DST: variants seen among roughly 807,000 people sequenced by gnomAD.
DST encodes bullous pemphigoid antigen.
Under a neutral mutation model 875.2 loss-of-function variants are expected in DST, and 253 were observed. The ratio of observed to expected loss-of-function variants is 0.29; its 90% confidence interval spans 0.26 to 0.32. The LOEUF (loss-of-function observed/expected upper bound fraction) is 0.32, where lower values mean the gene tolerates loss of function less well. Ranked by LOEUF, DST falls within the 10% of genes least tolerant of loss-of-function variation. The pLI is 1.00. For missense variants in DST, 8,287 were observed against 9,111.6 expected (o/e 0.91, Z 3.68); for synonymous variants, 3,124 against 3,197.1 (o/e 0.98, Z 0.77).
intron 4 of DST, among the ~76,000 whole-genome samples, chr6:56,757,786 T>A (rs970531436): frequency 6.6e-6 from 1 of 152,180 alleles, no homozygotes; most frequent in Non-Finnish European, 1.5e-5. Flanking sequence ...AGCCTAAGTC[T>A]GCAGGAACAA....
At position 56,701,868 on chromosome 6, in the gene DST, G is replaced by C. The variant is rs1326601268; in HGVS notation, c.954+20C>G. On this transcript the variant is annotated intron_variant, in intron 8 of 103. Transcript: ENST00000680361. ...AGTAACATATATTTATATGATTACA[G>C]TATTTTCAAAACATCATACCTGGCG... 2.0e-6 allele frequency: 3 copies of C among 1,474,538 alleles called. No individual in the cohort carries two copies. Among genetic ancestry groups the C allele is most frequent in the Non-Finnish European group, 2.8e-6 (3 of 1,058,006 alleles). 91.3% of individuals were successfully genotyped at this position (1,474,538 alleles called of 1,614,324 possible).
chr6:56,830,394 G>A (rs1048639425), intron 4 of DST, among the ~76,000 whole-genome samples: 2 of 152,064 alleles, frequency 1.3e-5, no homozygotes, highest in African/African-American at 2.4e-5. Flanking sequence ...TAAAATTAAC[G>A]TATATAGGTA....
Position 56,529,448 on chromosome 6 carries a change from C to T in DST, c.17595G>A (p.Arg5865=). 1.4e-6 allele frequency: 2 copies of T among 1,456,980 alleles called. No homozygotes were observed. The highest frequency in any genetic ancestry group is 1.8e-6 in the Non-Finnish European group (2 of 1,103,338). The allele number at this position is 1,456,980 out of a possible 1,614,324, so 90.3% of individuals were successfully genotyped here. A position where few individuals can be genotyped will look rare whatever the true frequency, so the allele number is the denominator to read the frequency against. The part of the protein sequence containing the change: ...EGLWKQQSEL[R]VLQEDILLRK... ...GATAAAATAAAATAAATCAAAATAC[C>T]CGAAGTTCAGACTGCTGCTTCCATA... The change falls in exon 66 of 104, where the codon CGG becomes CGA. Residue 5865 remains arginine, a splice_region_variant and synonymous_variant. Transcript: ENST00000680361.
At chr6:56,569,767 G>T in intron 54 of DST, 89 bp downstream of exon 54, 1 of 1,193,838 alleles carries the variant, frequency 8.4e-7, no homozygotes, top group Non-Finnish European at 1.2e-6. Context: ...AAACTTAGAT[G>T]ATATTAGATC....
At position 56,627,301 on chromosome 6, in the gene DST, C is replaced by T. The variant is rs777002782; in HGVS notation, c.4639-14G>A. The T allele has an allele frequency of 8.9e-6, 14 of 1,577,396 alleles. No individual in the cohort carries two copies. The African/African-American group carries it at 1.8e-4, about 20-fold the overall frequency. On this transcript the variant is annotated splice_polypyrimidine_tract_variant and intron_variant, in intron 33 of 103. Transcript: ENST00000680361. Reference sequence around the variant, plus strand: ...GGACACCAGCATCTATAAATATACACAGTTTAGAACAAAAATGACAAGGAA... The same window carrying T: ...GGACACCAGCATCTATAAATATACATAGTTTAGAACAAAAATGACAAGGAA...
chr6:56,621,754 G>A (rs898113310), intron 36 of DST, among the ~76,000 whole-genome samples: 1 of 152,052 alleles, frequency 6.6e-6, no homozygotes, highest in African/African-American at 2.4e-5. Flanking sequence ...TGTTAGTTTT[G>A]TATCATCAAC....
chr6:56,776,434 G>C (rs1165982681), intron 4 of DST, among the ~76,000 whole-genome samples: 1 of 152,170 alleles, frequency 6.6e-6, no homozygotes, highest in Non-Finnish European at 1.5e-5. Context: ...TAAAGATTAT[G>C]TACCAGTGTT....
rs1431352759 is a variant in DST at position 56,733,447 on chromosome 6, G to A, written c.687+1781C>T. Reference sequence around the variant, plus strand: ...GTCAATCCACCCTTCTACACCATACGCTCTCATTTATAGAGTGCCTAACAA... The same window carrying A: ...GTCAATCCACCCTTCTACACCATACACTCTCATTTATAGAGTGCCTAACAA... On this transcript the variant is annotated intron_variant, in intron 5 of 103. Coordinates refer to ENST00000680361, the MANE Select transcript of DST (RefSeq NM_001374736.1). Among the ~76,000 whole-genome samples the A allele has an allele frequency of 3.3e-5, 5 of 152,056 alleles. No individual in the cohort carries two copies. In the East Asian group the frequency reaches 5.8e-4, roughly 18 times the overall value.
chr6:56,667,647 T>C (rs1173678669), intron 10 of DST, among the ~76,000 whole-genome samples: 1 of 152,154 alleles, frequency 6.6e-6, no homozygotes, highest in Non-Finnish European at 1.5e-5. Context: ...TAAACATTGT[T>C]CTAAAAAGGT....
chr6:56,471,407 G>A lies in DST; in HGVS notation c.22159-139C>T, dbSNP rs567770339. On this transcript the variant is annotated intron_variant, in intron 94 of 103. Transcript: ENST00000680361. ...TCAAAAAGAGGTATGATCTTGCAAA[G>A]GGGACTTAGAAACATTTTGCCTTTA... 7.7e-5 allele frequency: 47 copies of A among 608,846 alleles called. No individual in the cohort carries two copies. The Middle Eastern group carries it at 1.6e-3, about 21-fold the overall frequency. The allele number at this position is 608,846 out of a possible 1,614,324, so 37.7% of individuals were successfully genotyped here. A position where few individuals can be genotyped will look rare whatever the true frequency, so the allele number is the denominator to read the frequency against.
intron 23 of DST, 124 bp downstream of exon 23, chr6:56,636,417 CATATATGTGTATATAT>C (rs1459968371): frequency 2.8e-5 from 19 of 677,706 alleles, no homozygotes; most frequent in Non-Finnish European, 4.5e-5. Context: ...TATATACACA[CATATATGTGTATATAT>C]ATATGTGTGT....
At chr6:56,791,425 T>A (rs1161606815) in intron 4 of DST, among the ~76,000 whole-genome samples, 1 of 151,844 alleles carries the variant, frequency 6.6e-6, no homozygotes, top group Non-Finnish European at 1.5e-5. Flanking sequence ...TGGGAGAAGG[T>A]TTAAAAAAAA....
At chr6:56,907,710 A>C (rs967769370) in intron 2 of DST, among the ~76,000 whole-genome samples, 2 of 152,244 alleles carry the variant, frequency 1.3e-5, no homozygotes, top group African/African-American at 4.8e-5. Flanking sequence ...GATTAAAACA[A>C]GAAAAGATCT....
chr6:56,774,496 C>T (rs1219609620), intron 4 of DST, among the ~76,000 whole-genome samples: 1 of 152,316 alleles, frequency 6.6e-6, no homozygotes, highest in East Asian at 1.9e-4. Context: ...AGCCATTCAA[C>T]ACATATCAGT....
intron 4 of DST, among the ~76,000 whole-genome samples, chr6:56,771,691 A>G (rs906162134): frequency 1.1e-4 from 17 of 152,194 alleles, no homozygotes; most frequent in Non-Finnish European, 1.9e-4. Flanking sequence ...AGCAAAATCA[A>G]TCACAACTAC....
At chr6:56,682,802 C>T (rs2099163090) in intron 9 of DST, among the ~76,000 whole-genome samples, 1 of 152,140 alleles carries the variant, frequency 6.6e-6, no homozygotes, top group Non-Finnish European at 1.5e-5. Flanking sequence ...GGAGCATGGT[C>T]AGGCAATGTG....
intron 28 of DST, 32 bp downstream of exon 28, chr6:56,632,822 G>C (rs913839227): frequency 1.9e-6 from 3 of 1,596,150 alleles, no homozygotes; most frequent in Non-Finnish European, 2.6e-6. Flanking sequence ...AACACCTATG[G>C]GGAAAAAAAG....
At chr6:56,752,534 G>C (rs1415374667) in intron 4 of DST, among the ~76,000 whole-genome samples, 2 of 147,836 alleles carry the variant, frequency 1.4e-5, no homozygotes, top group African/African-American at 5.4e-5. Flanking sequence ...ACTGTAGATT[G>C]ATTAGCTCTG....
chr6:56,627,366 CA>C, intron 33 of DST, 79 bp from the exon 34 acceptor site: 1 of 937,996 alleles, frequency 1.1e-6, no homozygotes, highest in Non-Finnish European at 1.8e-6. Context: ...GTAACTAAGA[CA>C]TATCTACATC....
Sources: allele counts gnomAD v4.1 joint callset (sites outside exome capture counted in the v4.1 genomes callset), GRCh38; gene constraint gnomAD v4.1.1; transcripts MANE v1.5; gene names NCBI Gene and HGNC (gene_info 2026-07-23, HGNC 2026-07-21).